The following NRG3 variants were observed in gnomAD, a reference collection of about 807,000 sequenced individuals.
NRG3 encodes the protein neuregulin 3.
In NRG3, 31 loss-of-function variants were observed where a neutral mutation model predicts 66.9. The ratio of observed to expected loss-of-function variants is 0.46; its 90% CI spans 0.35 to 0.63. NRG3 has a LOEUF of 0.63. Among genes scored for constraint, NRG3 ranks in the 20% least tolerant of loss-of-function variants. The pLI, the probability that NRG3 is intolerant of heterozygous loss-of-function variation, is 0.00. For synonymous variants in NRG3, 393 were observed against 359.4 expected, an observed-to-expected ratio of 1.09 and a Z score of -1.06; for missense variants, 910 against 878.9, an observed-to-expected ratio of 1.04 and a Z score of -0.45.
intron 1 of NRG3, among the ~76,000 whole-genome samples, chr10:82,204,711 A>G (rs1400518253): frequency 1.3e-5 from 2 of 152,202 alleles, no homozygotes; most frequent in Non-Finnish European, 2.9e-5. Context: ...CCTCACCTAT[A>G]TAAGAGATGT....
At chr10:82,341,662 A>G (rs2082697550) in intron 1 of NRG3, among the ~76,000 whole-genome samples, 1 of 152,008 alleles carries the variant, frequency 6.6e-6, no homozygotes. Flanking sequence ...AATATTTTAC[A>G]TAGCGTTAGA....
At chr10:82,456,856 T>G (rs953077619) in intron 2 of NRG3, among the ~76,000 whole-genome samples, 1 of 152,196 alleles carries the variant, frequency 6.6e-6, no homozygotes, top group Non-Finnish European at 1.5e-5. Context: ...GTCTAAGTGC[T>G]GAGGAAGGAA....
chr10:82,781,980 T>A (rs1404818948), intron 3 of NRG3, among the ~76,000 whole-genome samples: 1 of 152,214 alleles, frequency 6.6e-6, no homozygotes, highest in Non-Finnish European at 1.5e-5. Flanking sequence ...TCGTCCAGTG[T>A]ATCTTTTTGT....
At chr10:82,319,256 C>T (rs1323537242) in intron 1 of NRG3, among the ~76,000 whole-genome samples, 3 of 152,234 alleles carry the variant, frequency 2.0e-5, no homozygotes, top group African/African-American at 7.2e-5. Context: ...TCTGTACAGA[C>T]AGCAGCAGGT....
chr10:82,777,334 G>A (rs962977325), intron 3 of NRG3, among the ~76,000 whole-genome samples: 1 of 152,142 alleles, frequency 6.6e-6, no homozygotes, highest in South Asian at 2.1e-4. Flanking sequence ...AGACTCAGCT[G>A]AGGGGATCCC....
At chr10:82,889,801 A>T (rs1265167223) in intron 4 of NRG3, among the ~76,000 whole-genome samples, 1 of 152,150 alleles carries the variant, frequency 6.6e-6, no homozygotes, top group Non-Finnish European at 1.5e-5. Context: ...TGGTTGCTGG[A>T]TGCTTTCTGA....
intron 2 of NRG3, among the ~76,000 whole-genome samples, chr10:82,478,926 ACT>A (rs754182337): frequency 3.5e-4 from 53 of 152,138 alleles, no homozygotes; most frequent in Non-Finnish European, 6.6e-4. Context: ...ATTACTTTTG[ACT>A]CTATCTGCTT....
intron 1 of NRG3, among the ~76,000 whole-genome samples, chr10:82,204,281 G>A (rs557721049): frequency 6.6e-6 from 1 of 152,118 alleles, no homozygotes; most frequent in Non-Finnish European, 1.5e-5. Flanking sequence ...CTACAACAAA[G>A]GTTTCTTTCT....
chr10:82,372,713 C>T (rs1396102185), intron 2 of NRG3, among the ~76,000 whole-genome samples: 2 of 152,156 alleles, frequency 1.3e-5, no homozygotes, highest in African/African-American at 2.4e-5. Context: ...CCTGCCTCAG[C>T]CTCCCACCTA....
chr10:82,815,138 C>T (rs1437786972), intron 3 of NRG3, among the ~76,000 whole-genome samples: 2 of 152,198 alleles, frequency 1.3e-5, no homozygotes, highest in African/African-American at 2.4e-5. Context: ...TTTGGTCATA[C>T]CATCCTAGGA....
intron 1 of NRG3, among the ~76,000 whole-genome samples, chr10:82,224,930 A>G (rs1328790891): frequency 6.6e-6 from 1 of 152,072 alleles, no homozygotes; most frequent in African/African-American, 2.4e-5. Flanking sequence ...TAATATGAAC[A>G]TAGCTCACTT....
chr10:82,643,904 C>CCACA (rs3040199), intron 2 of NRG3, among the ~76,000 whole-genome samples: 3 of 149,924 alleles, frequency 2.0e-5, no homozygotes, highest in Non-Finnish European at 4.5e-5. Context: ...ACACACACAC[C>CCACA]CACACACACA....
intron 1 of NRG3, among the ~76,000 whole-genome samples, chr10:82,256,723 G>A (rs1446418047): frequency 6.6e-6 from 1 of 152,132 alleles, no homozygotes; most frequent in African/African-American, 2.4e-5. Context: ...TACAAAATAA[G>A]GATATTCTCC....
intron 1 of NRG3, among the ~76,000 whole-genome samples, chr10:82,233,242 G>A (rs1278824639): frequency 6.6e-6 from 1 of 152,198 alleles, no homozygotes; most frequent in Non-Finnish European, 1.5e-5. Flanking sequence ...GTAGGCACCT[G>A]TAGTCCCAGC....
intron 2 of NRG3, among the ~76,000 whole-genome samples, chr10:82,654,041 C>T (rs1397027884): frequency 6.6e-6 from 1 of 152,082 alleles, no homozygotes. Context: ...TAGACAAGAG[C>T]ACTACATTAT....
chr10:82,601,532 G>C (rs2047626115), intron 2 of NRG3, among the ~76,000 whole-genome samples: 1 of 152,028 alleles, frequency 6.6e-6, no homozygotes, highest in African/African-American at 2.4e-5. Context: ...TTTTCAAAGT[G>C]TTCTCCAAAA....
chr10:82,974,242 T>C (rs1359787846), intron 7 of NRG3, among the ~76,000 whole-genome samples: 6 of 152,202 alleles, frequency 3.9e-5, no homozygotes, highest in African/African-American at 1.4e-4. Flanking sequence ...GATTACACAG[T>C]TAATGAGTAA....
intron 2 of NRG3, among the ~76,000 whole-genome samples, chr10:82,391,829 T>G (rs2086386231): frequency 6.6e-6 from 1 of 151,930 alleles, no homozygotes; most frequent in Non-Finnish European, 1.5e-5. Context: ...TACACACCCT[T>G]TCTAGGTACC....
intron 2 of NRG3, among the ~76,000 whole-genome samples, chr10:82,432,251 C>T (rs974624534): frequency 8.6e-5 from 13 of 152,030 alleles, no homozygotes; most frequent in African/African-American, 3.1e-4. Flanking sequence ...CATTAATCAA[C>T]TTCTCCTCAT....
Sources: gnomAD v4.1 joint callset for allele counts (sites outside exome capture counted in the v4.1 genomes callset) on GRCh38, gnomAD v4.1.1 for gene constraint, MANE v1.5 for transcripts, NCBI Gene and HGNC (gene_info 2026-07-23, HGNC 2026-07-21) for gene names.